FBN3: variants seen among roughly 807,000 people sequenced by gnomAD.
FBN3 encodes fibrillin-3.
A neutral mutation model predicts 330.1 loss-of-function variants in FBN3; 234 were observed. That is an observed-to-expected ratio of 0.71 (90% confidence interval 0.64 to 0.79). The LOEUF (loss-of-function observed/expected upper bound fraction) is 0.79, where lower values mean the gene tolerates loss of function less well. Among genes scored for constraint, FBN3 ranks in the 30% least tolerant of loss-of-function variants. The pLI is 0.00. For missense variants in FBN3, 3,606 were observed against 3,886.9 expected, an observed-to-expected ratio of 0.93 and a Z score of 1.92; for synonymous variants, 1,458 against 1,517.3, an observed-to-expected ratio of 0.96 and a Z score of 0.91.
At chr19:8,074,500 G>A (rs927004746) in intron 61 of FBN3, among the ~76,000 whole-genome samples, 5 of 152,102 alleles carry the variant, frequency 3.3e-5, no homozygotes, top group South Asian at 2.1e-4. Context: ...GATGGAGGCC[G>A]AGGAGAGGTC....
rs537891637 is a variant in FBN3, at chr19:8,080,495, G to A, written c.7453+508C>T. Reference sequence around the variant, plus strand: ...CAAGATGCCATAAGCCAAGGCGAGAGGGCCTCTCTCCTCCCAAAGGAGAGG... The same window carrying A: ...CAAGATGCCATAAGCCAAGGCGAGAAGGCCTCTCTCCTCCCAAAGGAGAGG... On this transcript the variant is annotated intron_variant, in intron 59 of 63. Coordinates refer to ENST00000600128, the MANE Select transcript of FBN3 (RefSeq NM_032447.5). 1.1e-3 allele frequency among the ~76,000 whole-genome samples: 167 copies of A among 152,310 alleles called. 1 individual carries two copies. The highest frequency in any genetic ancestry group is 1.8e-3 in the Non-Finnish European group (123 of 68,024).
In FBN3 at chr19:8,123,829, C is replaced by T; in HGVS notation, c.2911G>A (p.Gly971Ser). The part of the protein sequence containing the change: ...EFASLCPRGL[G>S]FASRDFLSGR... ...GACAGGAAGTCCCGGCTGGCGAAGC[C>T]CAGCCCCCGCGGGCACAGGCTGGCG... The change falls in exon 23 of 64, where the codon GGC (glycine) becomes AGC (serine). Residue 971 changes from glycine (G) to serine (S), a missense_variant. Transcript: ENST00000600128. The T allele has an allele frequency of 1.2e-6, 2 of 1,613,112 alleles. No homozygotes were observed. Among genetic ancestry groups the T allele is most frequent in the Non-Finnish European group, 1.7e-6 (2 of 1,179,908 alleles).
rs148013574 is a variant in FBN3, at chr19:8,088,112, G to A, written c.6444C>T (p.Phe2148=). The change falls in exon 52 of 64, where the codon TTC becomes TTT. Residue 2148 remains phenylalanine (F), a synonymous_variant. Coordinates refer to ENST00000600128, the MANE Select transcript of FBN3 (RefSeq NM_032447.5). The part of the protein sequence containing the change: ...QGTCTNVIGG[F]ECACADGFEP... ...CAAAGCCGTCAGCACAGGCACATTCGAAGCCTCCGATGACATTGGTGCATG... is the reference window on the plus strand; with the variant it reads ...CAAAGCCGTCAGCACAGGCACATTCAAAGCCTCCGATGACATTGGTGCATG... The A allele has an allele frequency of 2.1e-3, 3,415 of 1,614,000 alleles. 6 individuals carry two copies. The highest frequency in any genetic ancestry group is 2.3e-3 in the Non-Finnish European group (2,691 of 1,180,008).
Position 8,090,224 on chromosome 19 carries a change from CG to C in FBN3, c.6058del (p.Arg2020ValfsTer66), listed in dbSNP as rs773991875. The C allele has an allele frequency of 3.1e-6, 5 of 1,613,984 alleles. No homozygotes were observed. Among genetic ancestry groups the C allele is most frequent in the Non-Finnish European group, 3.4e-6 (4 of 1,179,996 alleles). ...FDTRQSFCFT[R>X]FEAGKCSVPK... The stretch of plus-strand genomic sequence containing the variant: ...CACCGAGCACTTCCCAGCCTCAAAA[CG>C]GGTGAAGCAGAAACTCTGCCGTGTG... On this transcript the variant is annotated frameshift_variant, in exon 49 of 64. Coordinates refer to ENST00000600128, the MANE Select transcript of FBN3 (RefSeq NM_032447.5). LOFTEE classifies it high-confidence loss of function.
At position 8,138,501 on chromosome 19, in the gene FBN3, C is replaced by G; in HGVS notation, c.929G>C (p.Gly310Ala). Residue 310 changes from glycine (G) to alanine (A), a missense_variant, in exon 9 of 64, where the codon GGC (glycine) becomes GCC (alanine). Gly to Ala is a moderately conservative substitution (Grantham distance 60). Coordinates refer to ENST00000600128, the MANE Select transcript of FBN3 (RefSeq NM_032447.5). The stretch of plus-strand genomic sequence containing the variant: ...GCAGCACTGCCTGCGAGTGTAGTGG[C>G]CGGCGAGGTCTCCAGCACAGCGGCC... ...FGGRCAGDLA[G>A]HYTRRQCCCD... The G allele has an allele frequency of 6.2e-7, 1 of 1,612,890 alleles. No homozygotes were observed. Among genetic ancestry groups the G allele is most frequent in the Non-Finnish European group, 8.5e-7 (1 of 1,179,966 alleles).
chr19:8,089,697 G>T, intron 50 of FBN3, 27 bp from the exon 51 acceptor site: 1 of 1,612,542 alleles, frequency 6.2e-7, no homozygotes, highest in Non-Finnish European at 8.5e-7. Context: ...TTGCAGACAT[G>T]GCTTCTGTCA....
intron 11 of FBN3, 34 bp downstream of exon 11, chr19:8,136,354 G>A (rs769531408): frequency 1.2e-6 from 2 of 1,605,286 alleles, no homozygotes; most frequent in African/African-American, 1.4e-5. Flanking sequence ...AGGGCAGTGA[G>A]AACCGCCCCC....
chr19:8,139,204 G>A (rs560000575), intron 8 of FBN3, among the ~76,000 whole-genome samples: 17 of 150,266 alleles, frequency 1.1e-4, no homozygotes, highest in Admixed American at 6.6e-4. Flanking sequence ...AAAATTAGCC[G>A]GGTGCGGTGG....
chr19:8,109,098 C>T lies in FBN3; in HGVS notation c.4618+129G>A, dbSNP rs2082515743. On this transcript the variant is annotated intron_variant, in intron 36 of 63. Transcript: ENST00000600128. The surrounding 1 kb of genome is among the most constrained non-coding windows in gnomAD (Gnocchi z 5.2). ...ACTGTGTGACCCAGGATGAGCCCCT[C>T]TCCTCCCCCAGTTCTTGGTTTTCCT... 1.2e-6 allele frequency: 1 copy of T among 833,354 alleles called. No individual in the cohort carries two copies. Among genetic ancestry groups the T allele is most frequent in the Admixed American group, 2.7e-5 (1 of 37,056 alleles). The allele number at this position is 833,354 out of a possible 1,614,324, so 51.6% of individuals were successfully genotyped here.
At chr19:8,112,185 C>T (rs2144833711) in intron 30 of FBN3, 86 bp from the exon 31 acceptor site, 2 of 1,443,656 alleles carry the variant, frequency 1.4e-6, no homozygotes, top group Non-Finnish European at 1.9e-6. Context: ...AGGGACTCTT[C>T]CTCTCTAGGG....
chr19:8,133,093 A>G lies in FBN3; in HGVS notation c.1605T>C (p.Cys535=). 2 of 1,577,794 alleles carry G rather than the reference A, an allele frequency of 1.3e-6. No homozygotes were observed. Among genetic ancestry groups the G allele is most frequent in the Non-Finnish European group, 1.7e-6 (2 of 1,162,884 alleles). ...DGKNCVDHNE[C]ATSTMCVNGV... ...CGTTGACGCACATGGTGCTGGTGGC[A>G]CACTCGTTGTGGTCTGGGGACAACA... is the stretch of plus-strand genomic sequence containing the variant. The change falls in exon 14 of 64, where the codon TGT becomes TGC. Residue 535 remains cysteine, a synonymous_variant. Coordinates refer to ENST00000600128, the MANE Select transcript of FBN3 (RefSeq NM_032447.5).
Position 8,113,559 on chromosome 19 carries a change from C to T in FBN3, c.3839-1460G>A, listed in dbSNP as rs374482071. The stretch of plus-strand genomic sequence containing the variant: ...AACACTTTTTTAAAAATTAGCCCAG[C>T]TTGGTGGCATGCACCTGTAGTCCCA... On this transcript the variant is annotated intron_variant, in intron 30 of 63. Transcript: ENST00000600128. Among the ~76,000 whole-genome samples, 13 of 152,198 alleles carry T rather than the reference C, an allele frequency of 8.5e-5. No homozygotes were observed. In the East Asian group the frequency reaches 1.9e-3, roughly 23 times the overall value.
chr19:8,079,992 G>T (rs1313391684), intron 59 of FBN3, among the ~76,000 whole-genome samples: 1 of 152,146 alleles, frequency 6.6e-6, no homozygotes, highest in Non-Finnish European at 1.5e-5. Context: ...GTTTGTTGCT[G>T]TACCCCCAGG....
chr19:8,100,471 G>A (rs1036393903), intron 41 of FBN3, among the ~76,000 whole-genome samples: 9 of 152,012 alleles, frequency 5.9e-5, no homozygotes, highest in African/African-American at 2.2e-4. Context: ...CCGAGTAGCT[G>A]GGATTACAGG....
At chr19:8,111,304 T>C in intron 32 of FBN3, 121 bp from the exon 33 acceptor site, 1 of 1,269,558 alleles carries the variant, frequency 7.9e-7, no homozygotes, top group Non-Finnish European at 1.1e-6. Flanking sequence ...CAAGTAGCCC[T>C]GGGGACTCAG....
rs190195011 is a variant in FBN3, at chr19:8,087,527, C to T, written c.6619+298G>A. Among the ~76,000 whole-genome samples the T allele has an allele frequency of 1.1e-3, 166 of 152,114 alleles. 2 individuals are homozygous for T. The highest frequency in any genetic ancestry group is 8.2e-3 in the Admixed American group (125 of 15,280). On this transcript the variant is annotated intron_variant, in intron 53 of 63. Coordinates refer to ENST00000600128, the MANE Select transcript of FBN3 (RefSeq NM_032447.5). ...CTGAGTCCCAGACCAGGGTCTCCCA[C>T]GCTTGACACTATGAACATTTGGGAT...
At position 8,096,788 on chromosome 19, in the gene FBN3, A is replaced by G; in HGVS notation, c.5413+93T>C. ...CCCCCACCCCCCTAATAGTATAGAA[A>G]AGGAGAAAGACCTGGACAGAGCCAT... On this transcript the variant is annotated intron_variant, in intron 43 of 63. Transcript: ENST00000600128. This position sits in a 1 kb window ranked among gnomAD's most constrained non-coding sequence, Gnocchi z 4.6. 7 of 1,459,094 alleles carry G rather than the reference A, an allele frequency of 4.8e-6. No homozygotes were observed. Among genetic ancestry groups the G allele is most frequent in the South Asian group, 2.5e-5 (2 of 81,456 alleles). 90.4% of individuals were successfully genotyped at this position (1,459,094 alleles called of 1,614,324 possible).
Position 8,138,207 on chromosome 19 carries a change from G to C in FBN3, c.1135C>G (p.Arg379Gly). ...GCATCAGAGCCATGGGGGTTGAGTCGCGCTGGCCCAAGAGGGGGACCCATG... is the reference window on the plus strand; with the variant it reads ...GCATCAGAGCCATGGGGGTTGAGTCCCGCTGGCCCAAGAGGGGGACCCATG... ...NGMGPPLGPA[R>G]LNPHGSDARG... Residue 379 changes from arginine (R) to glycine (G), a missense_variant, in exon 10 of 64, where the codon CGA (arginine) becomes GGA (glycine). Transcript: ENST00000600128. The C allele has an allele frequency of 6.2e-7, 1 of 1,612,788 alleles. No individual in the cohort carries two copies. Among genetic ancestry groups the C allele is most frequent in the Non-Finnish European group, 8.5e-7 (1 of 1,179,612 alleles).
At chr19:8,110,744 G>A (rs1283004069) in intron 34 of FBN3, 101 bp downstream of exon 34, 6 of 1,486,534 alleles carry the variant, frequency 4.0e-6, no homozygotes, top group African/African-American at 2.8e-5. Context: ...TGCAGGGGAG[G>A]ATGCTTGAAA....
Sources: gnomAD v4.1 joint callset for allele counts (sites outside exome capture counted in the v4.1 genomes callset) on GRCh38, gnomAD v4.1.1 for gene constraint, Gnocchi (gnomAD v3.1) non-coding constraint, MANE v1.5 for transcripts, NCBI Gene and HGNC (gene_info 2026-07-23, HGNC 2026-07-21) for gene names.